Variants in UBE2E3 observed in about 807,000 individuals in gnomAD.
The protein encoded by UBE2E3 is ubiquitin-conjugating enzyme E2 E3.
Under a neutral mutation model 23.6 loss-of-function variants are expected in UBE2E3, and 5 were observed. That is an observed-to-expected ratio of 0.21 (90% CI 0.11 to 0.44). The LOEUF is 0.44. Among genes scored for constraint, UBE2E3 ranks in the 20% least tolerant of loss-of-function variants. The pLI, the probability that UBE2E3 is intolerant of heterozygous loss-of-function variation, is 0.99. For synonymous variants in UBE2E3, 78 were observed against 87.5 expected, an observed-to-expected ratio of 0.89 and a Z score of 0.60; for missense variants, 81 against 249.8, an observed-to-expected ratio of 0.32 and a Z score of 4.55.
intron 3 of UBE2E3, among the ~76,000 whole-genome samples, chr2:181,024,569 GATTATTAAGATGTA>G (rs1381655969): frequency 6.6e-6 from 1 of 151,956 alleles, no homozygotes; most frequent in Non-Finnish European, 1.5e-5. Context: ...TAATATATGT[GATTATTAAGATGTA>G]ATGGTGATGT....
intron 3 of UBE2E3, among the ~76,000 whole-genome samples, chr2:180,990,398 C>T (rs952064633): frequency 6.6e-6 from 1 of 152,158 alleles, no homozygotes; most frequent in African/African-American, 2.4e-5. Flanking sequence ...TGTACTTTGC[C>T]TCTTGAATTT....
chr2:181,057,279 A>G (rs909365218), intron 3 of UBE2E3, among the ~76,000 whole-genome samples: 3 of 151,790 alleles, frequency 2.0e-5, no homozygotes, highest in Non-Finnish European at 4.4e-5. Context: ...TGTAATTTAT[A>G]GGAGATTGTT....
chr2:181,029,761 G>A (rs137866999), intron 3 of UBE2E3, among the ~76,000 whole-genome samples: 93 of 143,986 alleles, frequency 6.5e-4, no homozygotes, highest in African/African-American at 2.1e-3. Flanking sequence ...TAAATGGAGC[G>A]GTATAAACTT....
At chr2:181,013,120 G>T (rs1322336621) in intron 3 of UBE2E3, among the ~76,000 whole-genome samples, 1 of 151,968 alleles carries the variant, frequency 6.6e-6, no homozygotes, top group African/African-American at 2.4e-5. Context: ...CACCACCTTG[G>T]CTGACTACAT....
At chr2:181,045,477 T>G (rs1388717183) in intron 3 of UBE2E3, among the ~76,000 whole-genome samples, 1 of 152,226 alleles carries the variant, frequency 6.6e-6, no homozygotes. Context: ...AATACTTTCT[T>G]GTTTTCATTC....
intron 3 of UBE2E3, among the ~76,000 whole-genome samples, chr2:181,037,632 G>A (rs186482209): frequency 1.2e-4 from 18 of 152,240 alleles, no homozygotes; most frequent in African/African-American, 4.1e-4. Context: ...TAAGCTCAGT[G>A]TTACTACAGA....
chr2:181,035,955 A>G (rs1174656995), intron 3 of UBE2E3, among the ~76,000 whole-genome samples: 2 of 152,206 alleles, frequency 1.3e-5, no homozygotes, highest in African/African-American at 4.8e-5. Flanking sequence ...GTAAGCCTCC[A>G]ATGTGGTAAG....
At chr2:180,993,017 A>T (rs1254942596) in intron 3 of UBE2E3, among the ~76,000 whole-genome samples, 3 of 152,218 alleles carry the variant, frequency 2.0e-5, no homozygotes, top group Non-Finnish European at 4.4e-5. Flanking sequence ...TTTATGAATC[A>T]AATATGTGCC....
chr2:181,057,368 C>G lies in UBE2E3; in HGVS notation c.246-325C>G, dbSNP rs146813870. On this transcript the variant is annotated intron_variant, in intron 3 of 5. Coordinates refer to ENST00000410062, the MANE Select transcript of UBE2E3 (RefSeq NM_006357.4). ...AGGTGACTCAGAAAAAAGTATGTCT[C>G]TATGCATGCTTGCAGGTTTAGAGGG... is the stretch of plus-strand genomic sequence containing the variant. Among the ~76,000 whole-genome samples the G allele has an allele frequency of 2.7e-3, 417 of 151,668 alleles. 1 individual carries two copies. Among genetic ancestry groups the G allele is most frequent in the African/African-American group, 9.7e-3 (402 of 41,294 alleles).
intron 4 of UBE2E3, among the ~76,000 whole-genome samples, chr2:181,060,445 A>G (rs192349225): frequency 6.6e-6 from 1 of 151,818 alleles, no homozygotes; most frequent in African/African-American, 2.4e-5. Context: ...AGTATAACTG[A>G]TCAGTTCCTC....
Position 181,057,199 on chromosome 2 carries a change from T to G in UBE2E3, c.246-494T>G, listed in dbSNP as rs370934566. On this transcript the variant is annotated intron_variant, in intron 3 of 5. Coordinates refer to ENST00000410062, the MANE Select transcript of UBE2E3 (RefSeq NM_006357.4). ...TTTAAAAGGGTATTACCGAATCAGT[T>G]GACAACATTATAATACAAATTGTAC... Among the ~76,000 whole-genome samples, 49 of 151,962 alleles carry G rather than the reference T, an allele frequency of 3.2e-4. 2 individuals are homozygous for G. The East Asian group carries it at 3.7e-3, about 11-fold the overall frequency.
At chr2:181,044,722 A>C (rs1012238628) in intron 3 of UBE2E3, among the ~76,000 whole-genome samples, 2 of 152,152 alleles carry the variant, frequency 1.3e-5, no homozygotes, top group Admixed American at 1.3e-4. Context: ...ATAGATGGTA[A>C]CATAATTCCT....
intron 3 of UBE2E3, chr2:180,987,514 A>G: frequency 8.7e-7 from 1 of 1,148,326 alleles, no homozygotes; most frequent in Non-Finnish European, 1.2e-6. Flanking sequence ...ATTTGGGGGT[A>G]TTTGTATTAA....
chr2:181,037,389 T>G (rs1451065630), intron 3 of UBE2E3, among the ~76,000 whole-genome samples: 1 of 152,088 alleles, frequency 6.6e-6, no homozygotes, highest in Non-Finnish European at 1.5e-5. Context: ...CAGCTCTATG[T>G]GTATGTTATT....
chr2:181,004,854 A>C (rs1463483568), intron 3 of UBE2E3, among the ~76,000 whole-genome samples: 1 of 152,212 alleles, frequency 6.6e-6, no homozygotes, highest in Non-Finnish European at 1.5e-5. Flanking sequence ...CCTTTTGCCA[A>C]ATGTAATTTT....
intron 1 of UBE2E3, 147 bp from the exon 2 acceptor site, chr2:180,981,868 GTAC>G: frequency 2.2e-6 from 1 of 461,616 alleles, no homozygotes; most frequent in African/African-American, 2.4e-5. Flanking sequence ...CACCTCCCTT[GTAC>G]GTACCCCTGT....
At chr2:181,037,103 C>T (rs1686315487) in intron 3 of UBE2E3, among the ~76,000 whole-genome samples, 1 of 152,154 alleles carries the variant, frequency 6.6e-6, no homozygotes. Flanking sequence ...ATTCCTGTCA[C>T]CTAATTGAGG....
At chr2:181,010,489 A>G (rs1162945962) in intron 3 of UBE2E3, among the ~76,000 whole-genome samples, 1 of 152,182 alleles carries the variant, frequency 6.6e-6, no homozygotes, top group East Asian at 1.9e-4. Flanking sequence ...GCTGTAGAAG[A>G]AATCAGGGAA....
At chr2:181,058,299 A>G (rs1299142144) in intron 4 of UBE2E3, among the ~76,000 whole-genome samples, 1 of 151,792 alleles carries the variant, frequency 6.6e-6, no homozygotes, top group Non-Finnish European at 1.5e-5. Flanking sequence ...AATAATATTT[A>G]GTAAACTCAT....
Sources: gnomAD v4.1 joint callset for allele counts (sites outside exome capture counted in the v4.1 genomes callset) on GRCh38, gnomAD v4.1.1 for gene constraint, MANE v1.5 for transcripts, NCBI Gene and HGNC (gene_info 2026-07-23, HGNC 2026-07-21) for gene names.